The following ZFAT variants were observed in gnomAD, a reference collection of about 807,000 sequenced individuals.
The protein encoded by ZFAT is zinc finger and AT-hook domain containing, also known as zinc finger protein ZFAT.
ZFAT carries 64 observed loss-of-function variants against 117.7 expected under a neutral mutation model. The observed-to-expected ratio is 0.54, with a 90% CI of 0.44 to 0.67. The LOEUF is 0.67. Ranked by LOEUF, ZFAT falls within the 30% of genes least tolerant of loss-of-function variation. The pLI is 0.00. For synonymous variants in ZFAT, 679 were observed against 615.0 expected (o/e 1.10, Z -1.54); for missense variants, 1,433 against 1,584.5 (o/e 0.90, Z 1.62).
intron 2 of ZFAT, among the ~76,000 whole-genome samples, chr8:134,638,248 G>A (rs1830349934): frequency 1.3e-5 from 2 of 152,122 alleles, no homozygotes; most frequent in African/African-American, 2.4e-5. Context: ...TAGCACTAAA[G>A]ACAATAACAA....
intron 13 of ZFAT, among the ~76,000 whole-genome samples, chr8:134,513,016 G>A (rs1180433587): frequency 4.6e-5 from 7 of 152,160 alleles, no homozygotes; most frequent in Non-Finnish European, 8.8e-5. Flanking sequence ...ACAGAGGAAG[G>A]GGCACAGCCA....
At chr8:134,708,707 C>T (rs562010724) in intron 1 of ZFAT, among the ~76,000 whole-genome samples, 1 of 152,142 alleles carries the variant, frequency 6.6e-6, no homozygotes, top group East Asian at 1.9e-4. Flanking sequence ...AATACTGGCA[C>T]TTTGGGAGGC....
chr8:134,696,653 C>A lies in ZFAT; in HGVS notation c.19+16192G>T, dbSNP rs928208331. The A allele has an allele frequency of 6.2e-6, 6 of 973,444 alleles. No individual in the cohort carries two copies. The African/African-American group carries it at 1.1e-4, about 17-fold the overall frequency. 60.3% of individuals were successfully genotyped at this position (973,444 alleles called of 1,614,324 possible). A position where few individuals can be genotyped will look rare whatever the true frequency, so the allele number is the denominator to read the frequency against. On this transcript the variant is annotated intron_variant, in intron 1 of 15. Coordinates refer to ENST00000377838, the MANE Select transcript of ZFAT (RefSeq NM_020863.4). The stretch of plus-strand genomic sequence containing the variant: ...ACAGCCCTGCCCAGGTGGGACAGGG[C>A]ATCCTGCCGCCACAGAGGCTCTGAT...
At chr8:134,637,169 T>C (rs1830267252) in intron 3 of ZFAT, among the ~76,000 whole-genome samples, 1 of 152,248 alleles carries the variant, frequency 6.6e-6, no homozygotes, top group African/African-American at 2.4e-5. Context: ...TCCCAGAACA[T>C]AAGCTCAGCA....
In ZFAT at chr8:134,538,352, G is replaced by T. The variant is rs1220979440; in HGVS notation, c.2977-5380C>A. 2.0e-5 allele frequency among the ~76,000 whole-genome samples: 3 copies of T among 152,268 alleles called. No homozygotes were observed. The East Asian group carries it at 5.8e-4, about 29-fold the overall frequency. Reference sequence around the variant, plus strand: ...GTCCACTGGACCTGGCAACCAGGGGGTGGCGCCGGTGACCTACCAAGAAGA... The same window carrying T: ...GTCCACTGGACCTGGCAACCAGGGGTTGGCGCCGGTGACCTACCAAGAAGA... On this transcript the variant is annotated intron_variant, in intron 11 of 15. Coordinates refer to ENST00000377838, the MANE Select transcript of ZFAT (RefSeq NM_020863.4).
At chr8:134,759,278 G>A in the ZFAT span, among the ~76,000 whole-genome samples, 1 of 152,178 alleles carries the variant, frequency 6.6e-6, no homozygotes, top group African/African-American at 2.4e-5. Context: ...CAGCAAGAGG[G>A]ACTCAGAAAT....
chr8:134,828,100 A>C, the ZFAT span, among the ~76,000 whole-genome samples: 1 of 152,182 alleles, frequency 6.6e-6, no homozygotes, highest in Non-Finnish European at 1.5e-5. Context: ...GTACTTTTTA[A>C]TCTATGTTCT....
the ZFAT span, among the ~76,000 whole-genome samples, chr8:134,748,835 T>C: frequency 1.1e-4 from 17 of 152,218 alleles, no homozygotes; most frequent in African/African-American, 4.1e-4. Flanking sequence ...ACTTTTCATA[T>C]GTTCTTTGGC....
chr8:134,670,168 C>T (rs191580812), intron 1 of ZFAT, among the ~76,000 whole-genome samples: 1 of 152,144 alleles, frequency 6.6e-6, no homozygotes, highest in African/African-American at 2.4e-5. Context: ...CTGTAACACC[C>T]CACTGTCAAC....
At chr8:134,820,735 A>G in the ZFAT span, among the ~76,000 whole-genome samples, 2 of 152,356 alleles carry the variant, frequency 1.3e-5, no homozygotes, top group East Asian at 1.9e-4. Flanking sequence ...TGTCAACAGA[A>G]TAAGAAGTAT....
chr8:134,572,638 T>C (rs1399789566), intron 10 of ZFAT, among the ~76,000 whole-genome samples: 1 of 152,248 alleles, frequency 6.6e-6, no homozygotes, highest in Non-Finnish European at 1.5e-5. Flanking sequence ...AGTAGTCGCT[T>C]CTTTTCCTCT....
chr8:134,501,977 G>C (rs1384045299), intron 15 of ZFAT, among the ~76,000 whole-genome samples: 1 of 152,250 alleles, frequency 6.6e-6, no homozygotes, highest in African/African-American at 2.4e-5. Context: ...TCTGTAAAGA[G>C]TTAGAAGAGT....
chr8:134,565,525 T>C (rs962763556), intron 10 of ZFAT, 104 bp from the exon 11 acceptor site: 7 of 1,070,676 alleles, frequency 6.5e-6, no homozygotes, highest in Non-Finnish European at 9.8e-6. Context: ...TTCCTTGCCA[T>C]GTGAGGATCA....
At chr8:134,686,980 G>A (rs914568319) in intron 1 of ZFAT, among the ~76,000 whole-genome samples, 5 of 152,202 alleles carry the variant, frequency 3.3e-5, no homozygotes, top group Non-Finnish European at 5.9e-5. Flanking sequence ...AGAGGCTAAC[G>A]TGCAGAGAGA....
At chr8:134,824,371 C>G in the ZFAT span, among the ~76,000 whole-genome samples, 2 of 152,100 alleles carry the variant, frequency 1.3e-5, no homozygotes, top group Non-Finnish European at 2.9e-5. Flanking sequence ...AAAAAAATAG[C>G]AAGGATTTAA....
chr8:134,791,018 T>C, the ZFAT span, among the ~76,000 whole-genome samples: 5 of 152,308 alleles, frequency 3.3e-5, no homozygotes, highest in East Asian at 9.6e-4. Context: ...TATAATTTCT[T>C]CAAATGCGTC....
chr8:134,725,322 TAA>T, the ZFAT span, among the ~76,000 whole-genome samples: 1 of 152,126 alleles, frequency 6.6e-6, no homozygotes, highest in African/African-American at 2.4e-5. Context: ...CGGCCATTTA[TAA>T]AGAGGATGAA....
intron 8 of ZFAT, among the ~76,000 whole-genome samples, chr8:134,588,813 C>A (rs1176656761): frequency 1.3e-5 from 2 of 152,130 alleles, no homozygotes; most frequent in Non-Finnish European, 2.9e-5. Flanking sequence ...AAAGAAAAAT[C>A]TTGGGGAAAT....
intron 13 of ZFAT, among the ~76,000 whole-genome samples, chr8:134,520,444 G>GA (rs1029827417): frequency 5.9e-5 from 9 of 151,280 alleles, no homozygotes; most frequent in East Asian, 1.9e-4. Flanking sequence ...ACTCCTAAGG[G>GA]AAAAAAAACA....
Sources: allele counts gnomAD v4.1 joint callset (sites outside exome capture counted in the v4.1 genomes callset), GRCh38; gene constraint gnomAD v4.1.1; transcripts MANE v1.5; gene names NCBI Gene and HGNC (gene_info 2026-07-23, HGNC 2026-07-21).